NCAN: variants seen among roughly 807,000 people sequenced by gnomAD.
NCAN encodes neurocan.
NCAN carries 47 observed loss-of-function variants against 121.8 expected under a neutral mutation model. The observed-to-expected ratio is 0.39, with a 90% CI of 0.31 to 0.49. NCAN has a LOEUF of 0.49. Ranked by LOEUF, NCAN falls within the 20% of genes least tolerant of loss-of-function variation. The pLI, the probability that NCAN is intolerant of heterozygous loss-of-function variation, is 0.92. For synonymous variants in NCAN, 633 were observed against 702.0 expected (o/e 0.90, Z 1.55); for missense variants, 1,517 against 1,773.4 (o/e 0.86, Z 2.60).
At chr19:19,224,877 C>T (rs2060829607) in intron 5 of NCAN, 100 bp from the exon 6 acceptor site, 2 of 1,098,454 alleles carry the variant, frequency 1.8e-6, no homozygotes, top group Admixed American at 3.6e-5. Context: ...AACCACCACC[C>T]TAACACGTCC....
intron 8 of NCAN, among the ~76,000 whole-genome samples, chr19:19,230,398 C>T (rs1302732563): frequency 1.8e-5 from 2 of 108,752 alleles, no homozygotes; most frequent in African/African-American, 7.1e-5. Context: ...ACCCCCCACC[C>T]CCAAATTTTT....
rs767508582 is a variant in NCAN, at chr19:19,228,666, C to G, written c.3019+27C>G. On this transcript the variant is annotated intron_variant, in intron 8 of 14. Transcript: ENST00000252575. Reference sequence around the variant, plus strand: ...TGAGTACAAAGTCCCGGGGCTCTGTCCAGCTCTCCATGGTCAGGGCTTGGG... The same window carrying G: ...TGAGTACAAAGTCCCGGGGCTCTGTGCAGCTCTCCATGGTCAGGGCTTGGG... 13 of 1,577,154 alleles carry G rather than the reference C, an allele frequency of 8.2e-6. No individual in the cohort carries two copies. In the African/African-American group the frequency reaches 1.7e-4, roughly 21 times the overall value.
In NCAN at chr19:19,249,525, G is replaced by A. The variant is rs113317694; in HGVS notation, c.3821-241G>A. Reference sequence around the variant, plus strand: ...TGGGACTACAAGCATGTGCCGCCACGCCTGGCTAATTTTTTTATTTTTGTA... The same window carrying A: ...TGGGACTACAAGCATGTGCCGCCACACCTGGCTAATTTTTTTATTTTTGTA... On this transcript the variant is annotated intron_variant, in intron 14 of 14. Transcript: ENST00000252575. 2.3e-4 allele frequency among the ~76,000 whole-genome samples: 35 copies of A among 152,104 alleles called. 1 individual carries two copies. The highest frequency in any genetic ancestry group is 7.7e-4 in the African/African-American group (32 of 41,478).
Position 19,212,682 on chromosome 19 carries a change from G to T in NCAN, c.-8+618G>T, listed in dbSNP as rs1048692672. On this transcript the variant is annotated intron_variant, in intron 1 of 14. Transcript: ENST00000252575. The surrounding 1 kb of genome is among the most constrained non-coding windows in gnomAD (Gnocchi z 4.5). ...CTGACTCAGGGAGGAGGTCCTGGGG[G>T]TCCCCATCCCAACGTGGTTCCCCGT... 3.9e-5 allele frequency among the ~76,000 whole-genome samples: 6 copies of T among 152,176 alleles called. No individual in the cohort carries two copies. The highest frequency in any genetic ancestry group is 8.8e-5 in the Non-Finnish European group (6 of 68,022).
intron 11 of NCAN, chr19:19,238,734 T>C (rs1054321574): frequency 6.4e-5 from 26 of 408,928 alleles, no homozygotes; most frequent in African/African-American, 5.1e-4. Context: ...TGACCATTTC[T>C]TGGGGAGGAT....
intron 3 of NCAN, among the ~76,000 whole-genome samples, chr19:19,223,128 T>TA (rs879563927): frequency 5.9e-4 from 89 of 150,750 alleles, no homozygotes; most frequent in South Asian, 1.0e-3. Flanking sequence ...TAAAATAAAA[T>TA]AAATAAAATA....
intron 11 of NCAN, among the ~76,000 whole-genome samples, chr19:19,238,978 G>A (rs775151435): frequency 8.6e-5 from 13 of 151,902 alleles, no homozygotes; most frequent in African/African-American, 1.9e-4. Flanking sequence ...TGTTTATTCC[G>A]TTTGCCACCA....
chr19:19,234,283 G>A (rs999106224), intron 9 of NCAN, among the ~76,000 whole-genome samples: 8 of 152,174 alleles, frequency 5.3e-5, no homozygotes, highest in African/African-American at 1.7e-4. Context: ...CCCAACACAA[G>A]AAATACTACC....
chr19:19,238,278 G>A lies in NCAN; in HGVS notation c.3276G>A (p.Trp1092Ter). 6.2e-7 allele frequency: 1 copy of A among 1,614,196 alleles called. No individual in the cohort carries two copies. The highest frequency in any genetic ancestry group is 8.5e-7 in the Non-Finnish European group (1 of 1,180,038). ...ACACCGAGGGCTGTGACCGCGGCTGGCATAAGTTCCAGGGCCACTGTTACC... is the reference window on the plus strand; with the variant it reads ...ACACCGAGGGCTGTGACCGCGGCTGACATAAGTTCCAGGGCCACTGTTACC... ...EKDTEGCDRGWHKFQGHCYRY... is the reference protein window; with the variant it reads ...EKDTEGCDRG Residue 1092 changes from tryptophan to a stop codon, truncating the protein, a stop_gained, in exon 11 of 15, where the codon TGG becomes TGA. Transcript: ENST00000252575. LOFTEE classifies it high-confidence loss of function.
At position 19,228,153 on chromosome 19, in the gene NCAN, G is replaced by C; in HGVS notation, c.2533G>C (p.Glu845Gln). Residue 845 changes from glutamate to glutamine, a missense_variant, in exon 8 of 15, where the codon GAA (glutamate) becomes CAA (glutamine). Coordinates refer to ENST00000252575, the MANE Select transcript of NCAN (RefSeq NM_004386.3). ...CCCCAGTGATGCTAGTGGAATTTGG[G>C]AACCTGGATCCCAGGTGTTTGAAGA... ...PAPSDASGIWEPGSQVFEEAE... is the reference protein window; with the variant it reads ...PAPSDASGIWQPGSQVFEEAE... 6.2e-7 allele frequency: 1 copy of C among 1,613,828 alleles called. No individual in the cohort carries two copies.
chr19:19,243,710 T>C (rs1417381978), intron 12 of NCAN, among the ~76,000 whole-genome samples: 1 of 150,376 alleles, frequency 6.6e-6, no homozygotes, highest in African/African-American at 2.5e-5. Context: ...AAAATAAAAA[T>C]AACAATAAAC....
chr19:19,240,892 C>T (rs542645553), intron 12 of NCAN, among the ~76,000 whole-genome samples: 113 of 152,310 alleles, frequency 7.4e-4, no homozygotes, highest in Middle Eastern at 3.4e-3. Flanking sequence ...ACCGCGCCCA[C>T]GAAGCTGCAG....
intron 11 of NCAN, among the ~76,000 whole-genome samples, chr19:19,240,073 C>T (rs1379311898): frequency 7.8e-6 from 1 of 128,450 alleles, no homozygotes; most frequent in African/African-American, 3.0e-5. Context: ...CCCCCTCCTC[C>T]CTCCTGCTCC....
chr19:19,244,598 T>G (rs1235886425), intron 12 of NCAN, among the ~76,000 whole-genome samples: 4 of 148,260 alleles, frequency 2.7e-5, no homozygotes, highest in Admixed American at 6.7e-5. Flanking sequence ...CATGAGCCAC[T>G]GAGCCCGGCC....
intron 8 of NCAN, among the ~76,000 whole-genome samples, chr19:19,230,468 A>G (rs2060854145): frequency 6.8e-6 from 1 of 146,532 alleles, no homozygotes; most frequent in Non-Finnish European, 1.5e-5. Flanking sequence ...CAGTGGCAAG[A>G]TCGTGGCTCA....
intron 8 of NCAN, among the ~76,000 whole-genome samples, chr19:19,231,330 CT>C (rs560601760): frequency 3.6e-3 from 490 of 134,662 alleles, no homozygotes; most frequent in Admixed American, 4.1e-3. Context: ...CATGGGGTTT[CT>C]TTTTTTTTTT....
At chr19:19,218,727 C>A (rs539375996) in intron 2 of NCAN, among the ~76,000 whole-genome samples, 188 bp from the exon 3 acceptor site, 100 of 152,302 alleles carry the variant, frequency 6.6e-4, no homozygotes, top group Middle Eastern at 3.4e-3. Context: ...CCGCCTTGGT[C>A]TCTCAAAGTG....
At position 19,238,410 on chromosome 19, in the gene NCAN, T is replaced by C. The variant is rs770274578; in HGVS notation, c.3408T>C (p.Asn1136=). The C allele has an allele frequency of 3.1e-6, 5 of 1,613,928 alleles. No homozygotes were observed. The highest frequency in any genetic ancestry group is 3.3e-5 in the Admixed American group (2 of 59,998). ...VHSPEEHSFI[N]SFGHENTWIG... ...CACCGGAGGAACACAGCTTCATTAA[T>C]AGTAGGGGCTCTGGGGAGGGGGCCA... Residue 1136 remains asparagine (N), a splice_region_variant and synonymous_variant, in exon 11 of 15, where the codon AAT becomes AAC. Coordinates refer to ENST00000252575, the MANE Select transcript of NCAN (RefSeq NM_004386.3).
At chr19:19,217,395 C>T (rs1179586232) in intron 2 of NCAN, among the ~76,000 whole-genome samples, 2 of 152,172 alleles carry the variant, frequency 1.3e-5, no homozygotes, top group African/African-American at 4.8e-5. Context: ...TTAGAAATCC[C>T]TCACAGATTT....
Sources: allele counts gnomAD v4.1 joint callset (sites outside exome capture counted in the v4.1 genomes callset), GRCh38; gene constraint gnomAD v4.1.1; non-coding constraint Gnocchi (gnomAD v3.1); transcripts MANE v1.5; gene names NCBI Gene and HGNC (gene_info 2026-07-23, HGNC 2026-07-21).